Variants in MGLL observed in about 807,000 individuals in gnomAD.
MGLL encodes the protein monoglyceride lipase.
Under a neutral mutation model 29.1 loss-of-function variants are expected in MGLL, and 7 were observed. That is an observed-to-expected ratio of 0.24 (90% confidence interval 0.14 to 0.45). The LOEUF (loss-of-function observed/expected upper bound fraction) is 0.45. Among genes scored for constraint, MGLL ranks in the 20% least tolerant of loss-of-function variants. The pLI is 0.99. For missense variants in MGLL, 356 were observed against 413.6 expected, an observed-to-expected ratio of 0.86 and a Z score of 1.21; for synonymous variants, 148 against 168.3, an observed-to-expected ratio of 0.88 and a Z score of 0.93.
At chr3:127,746,628 CT>C (rs752181822) in intron 3 of MGLL, among the ~76,000 whole-genome samples, 7 of 152,292 alleles carry the variant, frequency 4.6e-5, no homozygotes, top group East Asian at 3.9e-4. Flanking sequence ...GCTGCACCCC[CT>C]GTCTTTGTGG....
chr3:127,784,923 G>A (rs2077187286), intron 2 of MGLL, among the ~76,000 whole-genome samples: 1 of 152,138 alleles, frequency 6.6e-6, no homozygotes. Context: ...ACAGAACAAA[G>A]GTTGTCTGCC....
intron 7 of MGLL, among the ~76,000 whole-genome samples, chr3:127,693,626 C>G (rs1481172220): frequency 6.6e-6 from 1 of 152,186 alleles, no homozygotes; most frequent in Non-Finnish European, 1.5e-5. Flanking sequence ...ATCTAAAGTG[C>G]TGCTTTCCCC....
intron 3 of MGLL, among the ~76,000 whole-genome samples, chr3:127,779,676 A>T (rs1416287949): frequency 6.6e-6 from 1 of 152,158 alleles, no homozygotes; most frequent in East Asian, 1.9e-4. Context: ...GAGCAACGAG[A>T]TCCAAGCTAG....
At chr3:127,786,381 C>T (rs1221789722) in intron 2 of MGLL, among the ~76,000 whole-genome samples, 2 of 152,376 alleles carry the variant, frequency 1.3e-5, no homozygotes, top group African/African-American at 2.4e-5. Context: ...CAAGGCAATA[C>T]CCACAGCAGC....
At chr3:127,716,763 G>A (rs1422171441) in intron 5 of MGLL, among the ~76,000 whole-genome samples, 2 of 152,234 alleles carry the variant, frequency 1.3e-5, no homozygotes, top group East Asian at 3.8e-4. Flanking sequence ...AGGCTGACCT[G>A]TGCGCAGGAG....
intron 3 of MGLL, among the ~76,000 whole-genome samples, chr3:127,758,330 C>T (rs2076700535): frequency 1.3e-5 from 2 of 152,184 alleles, no homozygotes; most frequent in South Asian, 4.1e-4. Context: ...TATTGCTGCT[C>T]ATTGTCTGCC....
chr3:127,694,305 A>ATATG (rs1553752330), intron 7 of MGLL, among the ~76,000 whole-genome samples: 3 of 125,730 alleles, frequency 2.4e-5, no homozygotes, highest in African/African-American at 8.4e-5. Flanking sequence ...ATATATATAT[A>ATATG]TATGTATGTG....
At chr3:127,758,092 G>A (rs2076696249) in intron 3 of MGLL, among the ~76,000 whole-genome samples, 1 of 152,062 alleles carries the variant, frequency 6.6e-6, no homozygotes, top group Non-Finnish European at 1.5e-5. Context: ...GACTGTTCAT[G>A]AGTCAGGCAC....
chr3:127,822,201 C>CAAGGAA (rs1431172761), intron 1 of MGLL, 108 bp downstream of exon 1: 9 of 1,254,452 alleles, frequency 7.2e-6, no homozygotes, highest in Non-Finnish European at 3.5e-6. Context: ...GCAAGAAGAC[C>CAAGGAA]CATCTATCTT....
In MGLL at chr3:127,761,680, G is replaced by A. The variant is rs537653252; in HGVS notation, c.262+20109C>T. Among the ~76,000 whole-genome samples the A allele has an allele frequency of 3.2e-4, 48 of 152,288 alleles. No homozygotes were observed. Among genetic ancestry groups the A allele is most frequent in the African/African-American group, 1.1e-3 (46 of 41,544 alleles). ...ACACGGAGGCACAGAGAGGGCTGGC[G>A]CACAGCCGGCCGTGGGCAGAGCTGG... On this transcript the variant is annotated intron_variant, in intron 3 of 7. Coordinates refer to ENST00000265052, the MANE Select transcript of MGLL (RefSeq NM_007283.7). The surrounding 1 kb of genome is among the most constrained non-coding windows in gnomAD (Gnocchi z 4.6).
At chr3:127,768,160 T>C (rs563646098) in intron 3 of MGLL, among the ~76,000 whole-genome samples, 10 of 152,332 alleles carry the variant, frequency 6.6e-5, no homozygotes, top group African/African-American at 2.2e-4. Flanking sequence ...GAATTTATAA[T>C]TAAAATCCTT....
chr3:127,822,398 G>A lies in MGLL; in HGVS notation c.-80C>T. On this transcript the variant is annotated 5_prime_UTR_variant, in exon 1 of 8. Transcript: ENST00000265052. Reference sequence around the variant, plus strand: ...GCAAATCGGGCTGTTCCCTCATCTGGGCGGCCCCAAGGCAGCAGGAAGGCA... The same window carrying A: ...GCAAATCGGGCTGTTCCCTCATCTGAGCGGCCCCAAGGCAGCAGGAAGGCA... 3 of 1,516,334 alleles carry A rather than the reference G, an allele frequency of 2.0e-6. No individual in the cohort carries two copies. The highest frequency in any genetic ancestry group is 2.7e-6 in the Non-Finnish European group (3 of 1,092,696). 93.9% of individuals were successfully genotyped at this position (1,516,334 alleles called of 1,614,324 possible).
chr3:127,742,444 G>T (rs2076359256), intron 3 of MGLL, among the ~76,000 whole-genome samples: 1 of 152,028 alleles, frequency 6.6e-6, no homozygotes, highest in Non-Finnish European at 1.5e-5. Context: ...ACAAAAATGA[G>T]CCAGGCTTGG....
chr3:127,717,945 T>A (rs1306800842), intron 5 of MGLL, among the ~76,000 whole-genome samples: 1 of 152,180 alleles, frequency 6.6e-6, no homozygotes, highest in African/African-American at 2.4e-5. Flanking sequence ...TTTGTTCAGA[T>A]GCATGGAGTT....
At position 127,760,350 on chromosome 3, in the gene MGLL, C is replaced by T. The variant is rs184936905; in HGVS notation, c.262+21439G>A. Among the ~76,000 whole-genome samples, 4 of 152,348 alleles carry T rather than the reference C, an allele frequency of 2.6e-5. No homozygotes were observed. The East Asian group carries it at 7.7e-4, about 29-fold the overall frequency. On this transcript the variant is annotated intron_variant, in intron 3 of 7. Coordinates refer to ENST00000265052, the MANE Select transcript of MGLL (RefSeq NM_007283.7). ...ACATAACAGAACTCTCTGGGCTAAGCTCCACTTGTCAACAGGGGACCAACC... is the reference window on the plus strand; with the variant it reads ...ACATAACAGAACTCTCTGGGCTAAGTTCCACTTGTCAACAGGGGACCAACC...
chr3:127,810,948 A>G (rs1192710240), intron 2 of MGLL, among the ~76,000 whole-genome samples: 1 of 139,342 alleles, frequency 7.2e-6, no homozygotes, highest in East Asian at 1.9e-4. Context: ...CATTTCACAC[A>G]GAGTTTTACA....
intron 3 of MGLL, among the ~76,000 whole-genome samples, chr3:127,738,263 T>C (rs1421098519): frequency 6.6e-6 from 1 of 150,820 alleles, no homozygotes; most frequent in Non-Finnish European, 1.5e-5. Flanking sequence ...ATTTCACCAC[T>C]GCACTCCAGC....
At chr3:127,814,194 C>T (rs935523042) in intron 2 of MGLL, among the ~76,000 whole-genome samples, 1 of 152,194 alleles carries the variant, frequency 6.6e-6, no homozygotes, top group Admixed American at 6.5e-5. Context: ...GGGAGAGAGG[C>T]ATGTTAGCAG....
intron 6 of MGLL, among the ~76,000 whole-genome samples, chr3:127,703,437 G>A (rs1031564043): frequency 6.6e-5 from 10 of 152,216 alleles, no homozygotes; most frequent in Admixed American, 2.0e-4. Flanking sequence ...GGATTAGATC[G>A]AGGACAACAA....
Sources: gnomAD v4.1 joint callset for allele counts (sites outside exome capture counted in the v4.1 genomes callset) on GRCh38, gnomAD v4.1.1 for gene constraint, Gnocchi (gnomAD v3.1) non-coding constraint, MANE v1.5 for transcripts, NCBI Gene and HGNC (gene_info 2026-07-23, HGNC 2026-07-21) for gene names.